DYNC2H1: variants seen among roughly 807,000 people sequenced by gnomAD.
DYNC2H1 encodes cytoplasmic dynein 2 heavy chain 1.
Under a neutral mutation model 570.0 loss-of-function variants are expected in DYNC2H1, and 410 were observed. The ratio of observed to expected loss-of-function variants is 0.72; its 90% CI spans 0.66 to 0.78. DYNC2H1 has a LOEUF of 0.78. Among genes scored for constraint, DYNC2H1 ranks in the 30% least tolerant of loss-of-function variants. DYNC2H1 has a pLI of 0.00. For missense variants in DYNC2H1, 4,865 were observed against 5,046.4 expected (o/e 0.96, Z 1.09); for synonymous variants, 1,688 against 1,677.6 (o/e 1.01, Z -0.15).
rs141309814 is a variant in DYNC2H1, at chr11:103,407,554, A to T, written c.12366+7682A>T. ...AAGATATGAATTGTTCGTAGCAGAA[A>T]TGGGGGTATGCTGTTGGAATTCGTA... On this transcript the variant is annotated intron_variant, in intron 84 of 88. Coordinates refer to ENST00000375735, the MANE Select transcript of DYNC2H1 (RefSeq NM_001377.3). The T allele has an allele frequency of 4.1e-4, 62 of 152,102 alleles. 1 individual carries two copies. The highest frequency in any genetic ancestry group is 1.5e-3 in the African/African-American group (62 of 41,536). The allele number at this position is 152,102 out of a possible 1,614,324, so 9.4% of individuals were successfully genotyped here.
rs1366475793 is a variant in DYNC2H1, at chr11:103,205,517, T to C, written c.8454+553T>C. On this transcript the variant is annotated intron_variant, in intron 52 of 88. Coordinates refer to ENST00000375735, the MANE Select transcript of DYNC2H1 (RefSeq NM_001377.3). The surrounding 1 kb of genome is among the most constrained non-coding windows in gnomAD (Gnocchi z 4.5). ...GCCTGCCATGATTCAGAGTAAGGAG[T>C]GTAATTGGAGATAAAAGACATGGTT... Among the ~76,000 whole-genome samples, 1 of 152,090 alleles carries C rather than the reference T, an allele frequency of 6.6e-6. No individual in the cohort carries two copies. Among genetic ancestry groups the C allele is most frequent in the Non-Finnish European group, 1.5e-5 (1 of 68,024 alleles).
At chr11:103,371,749 G>T (rs1001482438) in intron 83 of DYNC2H1, among the ~76,000 whole-genome samples, 2 of 152,010 alleles carry the variant, frequency 1.3e-5, no homozygotes, top group Non-Finnish European at 2.9e-5. Flanking sequence ...TTTATTTGCA[G>T]ATAGCTCACT....
rs192055440 is a variant in DYNC2H1, at chr11:103,183,648, A to G, written c.6478-1248A>G. Among the ~76,000 whole-genome samples the G allele has an allele frequency of 5.3e-5, 8 of 151,966 alleles. No homozygotes were observed. In the East Asian group the frequency reaches 1.5e-3, roughly 29 times the overall value. On this transcript the variant is annotated intron_variant, in intron 40 of 88. Coordinates refer to ENST00000375735, the MANE Select transcript of DYNC2H1 (RefSeq NM_001377.3). ...TCTTCTTTTTTCTCTTCCTCAGCCT[A>G]TGGGATAAATCTTTGCTTTCTTGTA...
chr11:103,109,767 A>C lies in DYNC2H1; in HGVS notation c.193A>C (p.Thr65Pro), dbSNP rs555339053. 6.2e-7 allele frequency: 1 copy of C among 1,612,388 alleles called. No individual in the cohort carries two copies. Among genetic ancestry groups the C allele is most frequent in the Non-Finnish European group, 8.5e-7 (1 of 1,179,186 alleles). The change falls in exon 1 of 89, where the codon ACG becomes CCG. Residue 65 changes from threonine to proline, a missense_variant and splice_region_variant. By Grantham distance (38) the Thr-to-Pro change is conservative. Around this residue, in one of 5 missense-constraint regions of DYNC2H1, gnomAD observed 1,936 missense variants for 1,962.1 expected, o/e 0.99. Coordinates refer to ENST00000375735, the MANE Select transcript of DYNC2H1 (RefSeq NM_001377.3). ...CGACGCAGGAATCTCCTTTTCCAACACGGTACGGTTCCTTGCACTCCTGCC... is the reference window on the plus strand; with the variant it reads ...CGACGCAGGAATCTCCTTTTCCAACCCGGTACGGTTCCTTGCACTCCTGCC... ...RSDAGISFSNTIEFGDTKDKV... is the reference protein window; with the variant it reads ...RSDAGISFSNPIEFGDTKDKV...
intron 84 of DYNC2H1, among the ~76,000 whole-genome samples, chr11:103,428,720 T>C (rs906580845): frequency 1.3e-5 from 2 of 152,182 alleles, no homozygotes; most frequent in Non-Finnish European, 2.9e-5. Context: ...CTCATTTAAG[T>C]GGAATCATAA....
intron 18 of DYNC2H1, 83 bp downstream of exon 18, chr11:103,143,478 G>A: frequency 1.5e-6 from 2 of 1,361,140 alleles, no homozygotes; most frequent in Non-Finnish European, 9.7e-7. Context: ...TAGTGGCATT[G>A]AAGTCACATC....
chr11:103,297,822 C>A (rs1261429131), intron 75 of DYNC2H1, among the ~76,000 whole-genome samples: 3 of 152,050 alleles, frequency 2.0e-5, no homozygotes, highest in African/African-American at 7.2e-5. Context: ...TTTATTAGTA[C>A]CAACCTAATA....
At position 103,205,530 on chromosome 11, in the gene DYNC2H1, A is replaced by G. The variant is rs1862891958; in HGVS notation, c.8454+566A>G. On this transcript the variant is annotated intron_variant, in intron 52 of 88. Coordinates refer to ENST00000375735, the MANE Select transcript of DYNC2H1 (RefSeq NM_001377.3). The surrounding 1 kb of genome is among the most constrained non-coding windows in gnomAD (Gnocchi z 4.5). Reference sequence around the variant, plus strand: ...CAGAGTAAGGAGTGTAATTGGAGATAAAAGACATGGTTTACAGATGAGGTA... The same window carrying G: ...CAGAGTAAGGAGTGTAATTGGAGATGAAAGACATGGTTTACAGATGAGGTA... Among the ~76,000 whole-genome samples the G allele has an allele frequency of 6.6e-6, 1 of 152,202 alleles. No homozygotes were observed. Among genetic ancestry groups the G allele is most frequent in the Non-Finnish European group, 1.5e-5 (1 of 68,028 alleles).
Position 103,459,383 on chromosome 11 carries a change from T to C in DYNC2H1, c.12648+3027T>C, listed in dbSNP as rs141013783. Among the ~76,000 whole-genome samples, 1,425 of 151,864 alleles carry C rather than the reference T, an allele frequency of 9.4e-3. 27 individuals carry two copies. The highest frequency in any genetic ancestry group is 0.033 in the African/African-American group (1,345 of 41,370). On this transcript the variant is annotated intron_variant, in intron 87 of 88. Coordinates refer to ENST00000375735, the MANE Select transcript of DYNC2H1 (RefSeq NM_001377.3). ...TTCCTGCTCAAAAAATTTGTTTTCG[T>C]ATTACTACTATTTTCTAACATACTG...
chr11:103,461,887 A>G lies in DYNC2H1; in HGVS notation c.12648+5531A>G, dbSNP rs1470474545. Among the ~76,000 whole-genome samples the G allele has an allele frequency of 2.0e-5, 3 of 152,222 alleles. No homozygotes were observed. Among genetic ancestry groups the G allele is most frequent in the African/African-American group, 7.2e-5 (3 of 41,544 alleles). On this transcript the variant is annotated intron_variant, in intron 87 of 88. Coordinates refer to ENST00000375735, the MANE Select transcript of DYNC2H1 (RefSeq NM_001377.3). The surrounding 1 kb of genome is among the most constrained non-coding windows in gnomAD (Gnocchi z 4.8). ...CTTGCTAAAACACATTTCAGACATC[A>G]TTTTATTTTACCCCTCTATGGTTCT...
rs1403308485 is a variant in DYNC2H1, at chr11:103,452,184, G to A, written c.12457-3002G>A. On this transcript the variant is annotated intron_variant, in intron 85 of 88. Transcript: ENST00000375735. Reference sequence around the variant, plus strand: ...GATTGAATAATGTTTTTATTCCTCAGTGACCTTATAATAGGTTAAATTCTA... The same window carrying A: ...GATTGAATAATGTTTTTATTCCTCAATGACCTTATAATAGGTTAAATTCTA... Among the ~76,000 whole-genome samples the A allele has an allele frequency of 2.0e-5, 3 of 152,142 alleles. No homozygotes were observed. In the East Asian group the frequency reaches 5.8e-4, roughly 29 times the overall value.
At position 103,334,547 on chromosome 11, in the gene DYNC2H1, T is replaced by A. The variant is rs182144111; in HGVS notation, c.12039+10557T>A. On this transcript the variant is annotated intron_variant, in intron 82 of 88. Transcript: ENST00000375735. The surrounding 1 kb of genome is among the most constrained non-coding windows in gnomAD (Gnocchi z 4.3). ...TACCAAAAACAGTTTTAGTTGGCAT[T>A]TTATTACTTTTTAAAATAAATTCAA... is the stretch of plus-strand genomic sequence containing the variant. 6.6e-6 allele frequency among the ~76,000 whole-genome samples: 1 copy of A among 152,148 alleles called. No individual in the cohort carries two copies.
At chr11:103,295,162 C>G (rs1416437789) in intron 75 of DYNC2H1, among the ~76,000 whole-genome samples, 1 of 152,164 alleles carries the variant, frequency 6.6e-6, no homozygotes, top group Admixed American at 6.5e-5. Flanking sequence ...TTTGGGCCCT[C>G]AGGCCATTTA....
chr11:103,301,237 A>G (rs1274723360), intron 75 of DYNC2H1, among the ~76,000 whole-genome samples: 1 of 151,968 alleles, frequency 6.6e-6, no homozygotes, highest in Non-Finnish European at 1.5e-5. Context: ...TTAGAAACTC[A>G]GTTTCTTTCT....
chr11:103,358,385 T>G (rs1565524962), intron 83 of DYNC2H1, 26 bp downstream of exon 83: 18 of 1,461,224 alleles, frequency 1.2e-5, no homozygotes, highest in Non-Finnish European at 1.6e-5. Context: ...TTCTTCTGAT[T>G]CTTTTGCTTT....
At position 103,399,756 on chromosome 11, in the gene DYNC2H1, A is replaced by G. The variant is rs1166211402; in HGVS notation, c.12250A>G (p.Ile4084Val). The G allele has an allele frequency of 6.2e-7, 1 of 1,613,786 alleles. No individual in the cohort carries two copies. Among genetic ancestry groups the G allele is most frequent in the Non-Finnish European group, 8.5e-7 (1 of 1,179,828 alleles). The change falls in exon 84 of 89, where the codon ATT becomes GTT. Residue 4084 changes from isoleucine to valine, a missense_variant. Coordinates refer to ENST00000375735, the MANE Select transcript of DYNC2H1 (RefSeq NM_001377.3). ...SFIILEQFNA[I>V]RLVQSVHQSL... Reference sequence around the variant, plus strand: ...CATCATTCTTGAACAATTTAATGCTATTCGTTTAGTACAAAGTGTCCACCA... The same window carrying G: ...CATCATTCTTGAACAATTTAATGCTGTTCGTTTAGTACAAAGTGTCCACCA...
chr11:103,217,067 C>A (rs598863), intron 55 of DYNC2H1, among the ~76,000 whole-genome samples: 141,856 of 152,188 alleles, frequency 0.93, 66,147 homozygotes, highest in African/African-American at 0.94. Context: ...CCCCATCTCC[C>A]TCTTGGTAAC....
chr11:103,121,799 A>T (rs1313873732), intron 10 of DYNC2H1, among the ~76,000 whole-genome samples: 1 of 152,194 alleles, frequency 6.6e-6, no homozygotes, highest in East Asian at 1.9e-4. Context: ...TTGTTTACAA[A>T]AATGAGCTGG....
chr11:103,246,636 G>T (rs1246519383), intron 65 of DYNC2H1, among the ~76,000 whole-genome samples: 1 of 152,008 alleles, frequency 6.6e-6, no homozygotes, highest in Admixed American at 6.6e-5. Flanking sequence ...TCTCCGCAGG[G>T]TTGGATGTAT....
Sources: gnomAD v4.1 joint callset for allele counts (sites outside exome capture counted in the v4.1 genomes callset) on GRCh38, gnomAD v4.1.1 for gene constraint, gnomAD v4.1.1 regional missense constraint, Gnocchi (gnomAD v3.1) non-coding constraint, MANE v1.5 for transcripts, NCBI Gene and HGNC (gene_info 2026-07-23, HGNC 2026-07-21) for gene names.